The following ANKRD42 variants were observed in gnomAD, a reference collection of about 807,000 sequenced individuals.
The protein encoded by ANKRD42 is ankyrin repeat domain 42.
A neutral mutation model predicts 51.5 loss-of-function variants in ANKRD42; 43 were observed. The observed-to-expected ratio is 0.83, with a 90% CI of 0.65 to 1.08. ANKRD42 has a LOEUF of 1.08. Among genes scored for constraint, ANKRD42 ranks in the 50% least tolerant of loss-of-function variants. The pLI is 0.00. For synonymous variants in ANKRD42, 203 were observed against 213.0 expected, an observed-to-expected ratio of 0.95 and a Z score of 0.41; for missense variants, 608 against 629.3, an observed-to-expected ratio of 0.97 and a Z score of 0.36.
At chr11:83,244,143 G>A (rs1863475422) in intron 9 of ANKRD42, among the ~76,000 whole-genome samples, 1 of 151,518 alleles carries the variant, frequency 6.6e-6, no homozygotes, top group South Asian at 2.1e-4. Flanking sequence ...ACCACATCCA[G>A]CTAATTTTTG....
At chr11:83,263,852 A>G (rs1864078966), downstream of ANKRD42, among the ~76,000 whole-genome samples, 1 of 152,134 alleles carries the variant, frequency 6.6e-6, no homozygotes, top group South Asian at 2.1e-4. Context: ...TAGGTAGGCT[A>G]TTTTACTTGT....
chr11:83,207,377 A>C (rs1173845613), intron 3 of ANKRD42, among the ~76,000 whole-genome samples: 1 of 152,208 alleles, frequency 6.6e-6, no homozygotes, highest in African/African-American at 2.4e-5. Context: ...CAGGAGCTCT[A>C]CTCAGTGAGT....
intron 5 of ANKRD42, among the ~76,000 whole-genome samples, chr11:83,223,790 C>T (rs1168347075): frequency 6.6e-6 from 1 of 152,096 alleles, no homozygotes; most frequent in Non-Finnish European, 1.5e-5. Flanking sequence ...CTTGTTTCAC[C>T]TGAATTATAC....
intron 9 of ANKRD42, among the ~76,000 whole-genome samples, chr11:83,242,958 A>C (rs1369441682): frequency 6.6e-6 from 1 of 152,164 alleles, no homozygotes; most frequent in Non-Finnish European, 1.5e-5. Flanking sequence ...ACATGTGTGC[A>C]TGTGTCTTTA....
intron 9 of ANKRD42, among the ~76,000 whole-genome samples, chr11:83,242,147 T>G (rs1189595931): frequency 1.3e-5 from 2 of 152,204 alleles, no homozygotes; most frequent in African/African-American, 4.8e-5. Context: ...TACATTAACA[T>G]TCTATGTATT....
At chr11:83,203,196 C>T (rs187482639) in intron 2 of ANKRD42, among the ~76,000 whole-genome samples, 225 of 151,506 alleles carry the variant, frequency 1.5e-3, no homozygotes, top group Non-Finnish European at 1.2e-3. Context: ...GGTTTCACCA[C>T]GTGGGCCAGG....
chr11:83,197,038 A>T (rs1183112965), intron 1 of ANKRD42, among the ~76,000 whole-genome samples: 1 of 152,122 alleles, frequency 6.6e-6, no homozygotes. Context: ...AAGAAGAATG[A>T]AGGTCCGGCC....
chr11:83,207,220 C>A (rs1862110798), intron 3 of ANKRD42, among the ~76,000 whole-genome samples: 1 of 152,124 alleles, frequency 6.6e-6, no homozygotes, highest in Non-Finnish European at 1.5e-5. Context: ...GGGGTAACCA[C>A]CCCCATGATT....
intron 5 of ANKRD42, 76 bp from the exon 6 acceptor site, chr11:83,224,779 G>A: frequency 8.3e-7 from 1 of 1,203,880 alleles, no homozygotes; most frequent in Middle Eastern, 2.9e-4. Context: ...GCAAGATCTT[G>A]TCTCTAAATA....
chr11:83,257,011 T>C (rs747937822), downstream of ANKRD42, among the ~76,000 whole-genome samples: 1 of 152,132 alleles, frequency 6.6e-6, no homozygotes, highest in African/African-American at 2.4e-5. Context: ...AAGTGCCCAA[T>C]AAATGTTGAC....
intron 5 of ANKRD42, among the ~76,000 whole-genome samples, chr11:83,223,112 TAGTGGCACACACCTG>T: frequency 6.6e-6 from 1 of 152,144 alleles, no homozygotes; most frequent in East Asian, 1.9e-4. Context: ...TTGCTGGGCG[TAGTGGCACACACCTG>T]TAATCCCAGC....
At chr11:83,197,469 T>C (rs185298232) in intron 1 of ANKRD42, among the ~76,000 whole-genome samples, 4 of 152,352 alleles carry the variant, frequency 2.6e-5, no homozygotes, top group Admixed American at 2.0e-4. Context: ...ATAATTCCAG[T>C]GTAAAATATT....
intron 2 of ANKRD42, among the ~76,000 whole-genome samples, chr11:83,200,460 T>C (rs1023264572): frequency 2.6e-5 from 4 of 152,264 alleles, no homozygotes; most frequent in Admixed American, 6.5e-5. Context: ...AAAACTGTTA[T>C]ATTTTTCCCT....
chr11:83,248,880 A>C lies in ANKRD42; in HGVS notation c.*676A>C, dbSNP rs1362544246. 5 of 983,082 alleles carry C rather than the reference A, an allele frequency of 5.1e-6. No homozygotes were observed. The highest frequency in any genetic ancestry group is 6.0e-6 in the Non-Finnish European group (5 of 827,874). The allele number at this position is 983,082 out of a possible 1,614,324, so 60.9% of individuals were successfully genotyped here. A position where few individuals can be genotyped will look rare whatever the true frequency, so the allele number is the denominator to read the frequency against. ...CAAACATGTATGTGTATTTCTATGC[A>C]TATGCAAATATAACCACTTCCTCAG... On this transcript the variant is annotated 3_prime_UTR_variant, in exon 11 of 11. Coordinates refer to ENST00000533342, the MANE Select transcript of ANKRD42 (RefSeq NM_001300975.2).
At chr11:83,230,259 C>T (rs879271245) in intron 7 of ANKRD42, among the ~76,000 whole-genome samples, 8 of 152,044 alleles carry the variant, frequency 5.3e-5, no homozygotes, top group Non-Finnish European at 1.2e-4. Flanking sequence ...TGCCATGTTG[C>T]CCAGGCTGGC....
At chr11:83,223,856 A>G (rs1391353647) in intron 5 of ANKRD42, among the ~76,000 whole-genome samples, 2 of 151,520 alleles carry the variant, frequency 1.3e-5, no homozygotes, top group Non-Finnish European at 2.9e-5. Context: ...AATTGGGCTT[A>G]TTTCCCAAGC....
rs554339639 is a variant in ANKRD42, at chr11:83,194,736, AG to A, written c.58+9del. On this transcript the variant is annotated intron_variant, in intron 1 of 10. Transcript: ENST00000533342. ...GGGAGACTGCAAACCCCTGTGAGTC[AG>A]ACTGTCATTGGCCTTCATCTCTGTC... 2,454 of 1,580,366 alleles carry A rather than the reference AG, an allele frequency of 1.6e-3. 2 individuals carry two copies. The highest frequency in any genetic ancestry group is 2.0e-3 in the Non-Finnish European group (2,341 of 1,163,824).
chr11:83,215,273 T>TGG (rs1862489583), intron 5 of ANKRD42: 1 of 152,212 alleles, frequency 6.6e-6, no homozygotes. Flanking sequence ...GTTTATTTAA[T>TGG]ATAAATATAG....
intron 3 of ANKRD42, among the ~76,000 whole-genome samples, chr11:83,208,844 T>C (rs1862189204): frequency 6.6e-6 from 1 of 151,904 alleles, no homozygotes; most frequent in South Asian, 2.1e-4. Flanking sequence ...ATTACAGGAA[T>C]GGTAAAGTAT....
Sources: allele counts gnomAD v4.1 joint callset (sites outside exome capture counted in the v4.1 genomes callset), GRCh38; gene constraint gnomAD v4.1.1; transcripts MANE v1.5; gene names NCBI Gene and HGNC (gene_info 2026-07-23, HGNC 2026-07-21).